Variants in PMFBP1 observed in about 807,000 individuals in gnomAD.
PMFBP1 encodes polyamine modulated factor 1 binding protein 1, also known as polyamine-modulated factor 1-binding protein 1.
In PMFBP1, 131 loss-of-function variants were observed where a neutral mutation model predicts 137.8. The ratio of observed to expected loss-of-function variants is 0.95; its 90% confidence interval spans 0.82 to 1.10. The LOEUF is 1.10. Ranked by LOEUF, PMFBP1 falls within the 50% of genes least tolerant of loss-of-function variation. The pLI, the probability that PMFBP1 is intolerant of heterozygous loss-of-function variation, is 0.00. For missense variants in PMFBP1, 1,199 were observed against 1,175.4 expected (o/e 1.02, Z -0.29); for synonymous variants, 490 against 450.4 (o/e 1.09, Z -1.11).
chr16:72,208,350 A>T, the PMFBP1 span, among the ~76,000 whole-genome samples: 2 of 151,936 alleles, frequency 1.3e-5, no homozygotes, highest in Non-Finnish European at 2.9e-5. Context: ...AAGCAGAAAA[A>T]TCTGAATGGG....
the PMFBP1 span, among the ~76,000 whole-genome samples, chr16:72,197,592 G>A: frequency 6.6e-5 from 10 of 152,126 alleles, no homozygotes; most frequent in Admixed American, 5.9e-4. Context: ...AGTCTGCCAC[G>A]TTATGTCCCC....
At chr16:72,137,357 T>A (rs1360366173) in intron 7 of PMFBP1, among the ~76,000 whole-genome samples, 1 of 151,952 alleles carries the variant, frequency 6.6e-6, no homozygotes, top group East Asian at 1.9e-4. Flanking sequence ...TGGGGTGAGA[T>A]GAAGAGCATA....
chr16:72,164,946 T>G, intron 2 of PMFBP1, 30 bp from the exon 3 acceptor site: 1 of 1,553,392 alleles, frequency 6.4e-7, no homozygotes, highest in South Asian at 1.2e-5. Context: ...AAAGCATCAA[T>G]TATAAACTAT....
rs796645394 is a variant in PMFBP1, at chr16:72,160,034, A to T, written c.165+4730T>A. ...GTCTCAGCTGCTAGAAAAGATGGGGACTGCTGGCTGTCCATAGGAACCTGT... is the reference window on the plus strand; with the variant it reads ...GTCTCAGCTGCTAGAAAAGATGGGGTCTGCTGGCTGTCCATAGGAACCTGT... On this transcript the variant is annotated intron_variant, in intron 3 of 20. Transcript: ENST00000237353. Among the ~76,000 whole-genome samples, 18 of 152,308 alleles carry T rather than the reference A, an allele frequency of 1.2e-4. 1 individual carries two copies. The highest frequency in any genetic ancestry group is 4.1e-4 in the African/African-American group (17 of 41,572).
intron 5 of PMFBP1, among the ~76,000 whole-genome samples, chr16:72,142,943 T>C (rs1409149857): frequency 6.6e-6 from 1 of 152,050 alleles, no homozygotes; most frequent in African/African-American, 2.4e-5. Context: ...TGAAAATAGA[T>C]GAAAAAAAAT....
chr16:72,151,429 G>A (rs768488124), intron 4 of PMFBP1, among the ~76,000 whole-genome samples: 4 of 152,186 alleles, frequency 2.6e-5, no homozygotes, highest in Non-Finnish European at 5.9e-5. Flanking sequence ...TTAGACATAT[G>A]CTCACCCCTC....
upstream of PMFBP1, chr16:72,172,380 A>G (rs2043230732): frequency 6.6e-6 from 1 of 150,524 alleles, no homozygotes; most frequent in Admixed American, 6.7e-5. Flanking sequence ...CATGTCCTTT[A>G]TGAGTCAGCT....
chr16:72,163,381 A>G (rs2043092573), intron 3 of PMFBP1, among the ~76,000 whole-genome samples: 1 of 152,260 alleles, frequency 6.6e-6, no homozygotes, highest in Non-Finnish European at 1.5e-5. Context: ...CCCCAGGCTA[A>G]AATGAAATTA....
the PMFBP1 span, among the ~76,000 whole-genome samples, chr16:72,193,322 T>C: frequency 6.6e-6 from 1 of 151,540 alleles, no homozygotes; most frequent in African/African-American, 2.4e-5. Context: ...CCCATGAGTT[T>C]GAGGCTAAAG....
chr16:72,199,215 G>A, the PMFBP1 span, among the ~76,000 whole-genome samples: 1 of 152,186 alleles, frequency 6.6e-6, no homozygotes, highest in Non-Finnish European at 1.5e-5. Context: ...TTCCGTGGCT[G>A]ACAGCCTTTG....
At chr16:72,160,605 A>G (rs775500113) in intron 3 of PMFBP1, among the ~76,000 whole-genome samples, 1 of 151,986 alleles carries the variant, frequency 6.6e-6, no homozygotes, top group Non-Finnish European at 1.5e-5. Context: ...AGAACCGAAA[A>G]GTCTCACTAT....
At chr16:72,161,504 A>G (rs2043061795) in intron 3 of PMFBP1, among the ~76,000 whole-genome samples, 1 of 152,130 alleles carries the variant, frequency 6.6e-6, no homozygotes, top group Admixed American at 6.5e-5. Flanking sequence ...TTTTAGATGC[A>G]TCTTTCTGAC....
At position 72,126,059 on chromosome 16, in the gene PMFBP1, T is replaced by G; in HGVS notation, c.2162A>C (p.Tyr721Ser). ...LDKALQKEKH[Y>S]LQTTITKEAY... ...TTCTTTGGTGATGGTAGTCTGGAGA[T>G]AGTGCTTCTCCTTCTGCAGAGCTTT... Residue 721 changes from tyrosine (Y) to serine (S), a missense_variant, in exon 15 of 21, where the codon TAT becomes TCT. Coordinates refer to ENST00000237353, the MANE Select transcript of PMFBP1 (RefSeq NM_031293.3). The G allele has an allele frequency of 6.2e-7, 1 of 1,614,148 alleles. No individual in the cohort carries two copies. Among genetic ancestry groups the G allele is most frequent in the Non-Finnish European group, 8.5e-7 (1 of 1,180,002 alleles).
intron 3 of PMFBP1, among the ~76,000 whole-genome samples, chr16:72,158,838 T>G (rs2144468177): frequency 6.6e-6 from 1 of 151,684 alleles, no homozygotes; most frequent in South Asian, 2.1e-4. Flanking sequence ...TTATAAAAAG[T>G]AAAAAAATTA....
chr16:72,138,856 T>A (rs2042672094), intron 7 of PMFBP1, among the ~76,000 whole-genome samples: 1 of 152,008 alleles, frequency 6.6e-6, no homozygotes, highest in Non-Finnish European at 1.5e-5. Context: ...TAACTGCTCA[T>A]TTATTATTAG....
chr16:72,163,934 G>GT (rs894338146), intron 3 of PMFBP1, among the ~76,000 whole-genome samples: 1 of 151,864 alleles, frequency 6.6e-6, no homozygotes, highest in Non-Finnish European at 1.5e-5. Context: ...AGGGTGGGGG[G>GT]GGTGAGGGAT....
Position 72,147,320 on chromosome 16 carries a change from T to G in PMFBP1, c.636+3288A>C, listed in dbSNP as rs1219707604. ...TGGTGCTGGGAAAACTGGCTAGCCA[T>G]ATGCAGAAAGCTGAAACTGGATCCC... On this transcript the variant is annotated intron_variant, in intron 5 of 20. Transcript: ENST00000237353. 2.0e-5 allele frequency among the ~76,000 whole-genome samples: 3 copies of G among 152,218 alleles called. No individual in the cohort carries two copies. The East Asian group carries it at 5.8e-4, about 29-fold the overall frequency.
chr16:72,205,610 G>A, the PMFBP1 span, among the ~76,000 whole-genome samples: 13 of 152,192 alleles, frequency 8.5e-5, no homozygotes, highest in Admixed American at 2.0e-4. Flanking sequence ...GGATAATGAT[G>A]CAAAGACAGA....
chr16:72,122,054 C>T (rs896904881), intron 19 of PMFBP1, among the ~76,000 whole-genome samples: 2 of 152,184 alleles, frequency 1.3e-5, no homozygotes, highest in African/African-American at 2.4e-5. Flanking sequence ...CTCCCACCCT[C>T]CACCCTCTGA....
Sources: allele counts gnomAD v4.1 joint callset (sites outside exome capture counted in the v4.1 genomes callset), GRCh38; gene constraint gnomAD v4.1.1; transcripts MANE v1.5; gene names NCBI Gene and HGNC (gene_info 2026-07-23, HGNC 2026-07-21).